Variants in DGKI observed in about 807,000 individuals in gnomAD.
The protein encoded by DGKI is diacylglycerol kinase iota, also known as DAG kinase iota.
DGKI carries 55 observed loss-of-function variants against 147.5 expected under a neutral mutation model. That is an observed-to-expected ratio of 0.37 (90% confidence interval 0.30 to 0.47). The LOEUF is 0.47. Ranked by LOEUF, DGKI falls within the 20% of genes least tolerant of loss-of-function variation. The pLI, the probability that DGKI is intolerant of heterozygous loss-of-function variation, is 1.00. For synonymous variants in DGKI, 469 were observed against 477.1 expected (o/e 0.98, Z 0.22); for missense variants, 1,007 against 1,323.8 (o/e 0.76, Z 3.71).
chr7:137,744,688 A>G (rs1795273641), intron 1 of DGKI, among the ~76,000 whole-genome samples: 1 of 152,196 alleles, frequency 6.6e-6, no homozygotes, highest in Non-Finnish European at 1.5e-5. Context: ...CAAAAAGTGA[A>G]TTCACCATGA....
chr7:137,567,777 ATATAC>A (rs1818639720), intron 19 of DGKI, among the ~76,000 whole-genome samples: 1 of 152,212 alleles, frequency 6.6e-6, no homozygotes, highest in Non-Finnish European at 1.5e-5. Context: ...TTTTTAAATA[ATATAC>A]TGTTATTGTG....
At chr7:137,489,295 T>C (rs1815677896) in intron 21 of DGKI, among the ~76,000 whole-genome samples, 1 of 152,190 alleles carries the variant, frequency 6.6e-6, no homozygotes, top group African/African-American at 2.4e-5. Context: ...AAGTCTGTCT[T>C]TCAGGTGCAA....
intron 2 of DGKI, 47 bp from the exon 3 acceptor site, chr7:137,678,699 T>C: frequency 6.6e-7 from 1 of 1,510,412 alleles, no homozygotes; most frequent in Non-Finnish European, 9.2e-7. Context: ...TTTCCAGGGA[T>C]AAGGAAAACT....
chr7:137,654,588 G>A, intron 5 of DGKI, 144 bp downstream of exon 5: 1 of 671,908 alleles, frequency 1.5e-6, no homozygotes. Context: ...TTTATTGATT[G>A]TGCTTATTGA....
At chr7:137,695,578 A>G (rs554318794) in intron 1 of DGKI, among the ~76,000 whole-genome samples, 1 of 152,320 alleles carries the variant, frequency 6.6e-6, no homozygotes, top group East Asian at 1.9e-4. Context: ...CGTAAGCTCC[A>G]TGTCTAACAA....
chr7:137,429,387 T>G lies in DGKI; in HGVS notation c.2761+14690A>C, dbSNP rs1327113299. Among the ~76,000 whole-genome samples the G allele has an allele frequency of 2.0e-5, 3 of 152,230 alleles. No individual in the cohort carries two copies. In the South Asian group the frequency reaches 6.2e-4, roughly 32 times the overall value. On this transcript the variant is annotated intron_variant, in intron 28 of 32. Coordinates refer to ENST00000614521, the MANE Select transcript of DGKI (RefSeq NM_001321708.2). ...GAAAGTGGATCCCTTCCTTACACCTTATACAAAAATTAATTCAAGATGGAT... is the reference window on the plus strand; with the variant it reads ...GAAAGTGGATCCCTTCCTTACACCTGATACAAAAATTAATTCAAGATGGAT...
intron 27 of DGKI, among the ~76,000 whole-genome samples, chr7:137,453,543 C>T (rs1181865829): frequency 2.6e-5 from 4 of 152,038 alleles, no homozygotes; most frequent in Non-Finnish European, 4.4e-5. Context: ...AGAGAGCAGG[C>T]GAGAATGAGA....
intron 1 of DGKI, among the ~76,000 whole-genome samples, chr7:137,739,454 A>G (rs539607741): frequency 1.3e-5 from 2 of 152,284 alleles, no homozygotes; most frequent in Admixed American, 6.5e-5. Context: ...TGGCTCTTTC[A>G]GAGTTACGGT....
chr7:137,516,548 T>C (rs1816750093), intron 21 of DGKI, among the ~76,000 whole-genome samples: 1 of 152,002 alleles, frequency 6.6e-6, no homozygotes, highest in African/African-American at 2.4e-5. Flanking sequence ...TATTATCACA[T>C]TTTTTAAAAA....
chr7:137,761,720 C>A (rs1277251981), intron 1 of DGKI, among the ~76,000 whole-genome samples: 2 of 152,276 alleles, frequency 1.3e-5, no homozygotes, highest in African/African-American at 4.8e-5. Context: ...TCTCACTAAG[C>A]AATCTGAGTT....
intron 4 of DGKI, 28 bp downstream of exon 4, chr7:137,656,438 A>C (rs1252091113): frequency 3.1e-6 from 5 of 1,612,518 alleles, no homozygotes; most frequent in East Asian, 2.2e-5. Context: ...GCAATGTAAC[A>C]AAACTGCAGC....
intron 1 of DGKI, among the ~76,000 whole-genome samples, chr7:137,702,592 T>C (rs1207084175): frequency 6.6e-6 from 1 of 152,238 alleles, no homozygotes; most frequent in Non-Finnish European, 1.5e-5. Context: ...TTTTGTGGCA[T>C]TTTAAGTTGC....
intron 1 of DGKI, among the ~76,000 whole-genome samples, chr7:137,713,635 C>G (rs1156508118): frequency 6.6e-6 from 1 of 151,912 alleles, no homozygotes; most frequent in Non-Finnish European, 1.5e-5. Context: ...GTTAACCTAC[C>G]CAATTTTTTT....
intron 23 of DGKI, among the ~76,000 whole-genome samples, chr7:137,470,612 G>A: frequency 1.3e-5 from 2 of 151,972 alleles, no homozygotes; most frequent in South Asian, 2.1e-4. Flanking sequence ...CTGTCTTCCA[G>A]GCTGGAGTGC....
intron 1 of DGKI, among the ~76,000 whole-genome samples, chr7:137,826,679 T>C (rs1431923756): frequency 6.6e-6 from 1 of 152,152 alleles, no homozygotes; most frequent in African/African-American, 2.4e-5. Context: ...CACTTCATTT[T>C]TGTTTTTTAA....
rs1798762392 is a variant in DGKI at position 137,846,952 on chromosome 7, G to T, written c.-90C>A. On this transcript the variant is annotated 5_prime_UTR_variant, in exon 1 of 33. Transcript: ENST00000614521. The surrounding 1 kb of genome is among the most constrained non-coding windows in gnomAD (Gnocchi z 4.0). ...GAGGCCGCCGCTCCCCGCCTCCCGC[G>T]CCCTCCCGCGCCGGCCCGCACCCTC... 1 of 964,078 alleles carries T rather than the reference G, an allele frequency of 1.0e-6. No individual in the cohort carries two copies. The highest frequency in any genetic ancestry group is 1.2e-6 in the Non-Finnish European group (1 of 800,398). 59.7% of individuals were successfully genotyped at this position (964,078 alleles called of 1,614,324 possible). A position where few individuals can be genotyped will look rare whatever the true frequency, so the allele number is the denominator to read the frequency against.
chr7:137,625,484 T>G (rs1228680037), intron 6 of DGKI, among the ~76,000 whole-genome samples: 1 of 151,184 alleles, frequency 6.6e-6, no homozygotes, highest in Non-Finnish European at 1.5e-5. Flanking sequence ...AATAAAAAAT[T>G]TAAAAAAAAA....
rs1276658856 is a variant in DGKI, at chr7:137,638,557, T to C, written c.804+6915A>G. ...ACATATATGTATATATATGTGTGTATATATATACACACATATATGTATATA... is the reference window on the plus strand; with the variant it reads ...ACATATATGTATATATATGTGTGTACATATATACACACATATATGTATATA... On this transcript the variant is annotated intron_variant, in intron 6 of 32. Coordinates refer to ENST00000614521, the MANE Select transcript of DGKI (RefSeq NM_001321708.2). Among the ~76,000 whole-genome samples the C allele has an allele frequency of 2.2e-3, 230 of 105,042 alleles. 5 individuals carry two copies. Among genetic ancestry groups the C allele is most frequent in the African/African-American group, 6.3e-3 (168 of 26,638 alleles). 68.9% of individuals were successfully genotyped at this position (105,042 alleles called of 152,430 possible). A position where few individuals can be genotyped will look rare whatever the true frequency, so the allele number is the denominator to read the frequency against.
chr7:137,528,524 T>G (rs950996697), intron 20 of DGKI, among the ~76,000 whole-genome samples: 1 of 152,188 alleles, frequency 6.6e-6, no homozygotes, highest in Non-Finnish European at 1.5e-5. Flanking sequence ...TATTAATTCT[T>G]TTTTGATGGA....
Sources: allele counts gnomAD v4.1 joint callset (sites outside exome capture counted in the v4.1 genomes callset), GRCh38; gene constraint gnomAD v4.1.1; non-coding constraint Gnocchi (gnomAD v3.1); transcripts MANE v1.5; gene names NCBI Gene and HGNC (gene_info 2026-07-23, HGNC 2026-07-21).